The following BARD1 variants were observed in gnomAD, a reference collection of about 807,000 sequenced individuals.
BARD1 encodes BRCA1-associated RING domain protein 1.
BARD1 carries 73 observed loss-of-function variants against 77.0 expected under a neutral mutation model. The observed-to-expected ratio is 0.95, with a 90% CI of 0.79 to 1.15. The LOEUF (loss-of-function observed/expected upper bound fraction) is 1.15, where lower values mean the gene tolerates loss of function less well. Ranked by LOEUF, BARD1 falls within the 50% of genes most tolerant of loss-of-function variation. The pLI is 0.00. For synonymous variants in BARD1, 384 were observed against 338.0 expected (o/e 1.14, Z -1.49); for missense variants, 993 against 938.8 (o/e 1.06, Z -0.75).
intron 6 of BARD1, among the ~76,000 whole-genome samples, chr2:214,758,769 T>C (rs1693817815): frequency 6.6e-6 from 1 of 152,218 alleles, no homozygotes; most frequent in Non-Finnish European, 1.5e-5. Flanking sequence ...GGATGCAGTA[T>C]AACCTTTTAA....
Position 214,809,499 on chromosome 2 carries a change from G to C in BARD1, c.71C>G (p.Pro24Arg), listed in dbSNP as rs863224674. ...ACCGCGACCATCCGGTTCCATGGCG[G>C]GCGCGGAACGAGGCTCGTTCCCGGA... Reference protein sequence around the residue: ...IRSGNEPRSAPAMEPDGRGAW... With the variant: ...IRSGNEPRSARAMEPDGRGAW... The change falls in exon 1 of 11, where the codon CCC becomes CGC. Residue 24 changes from proline (P) to arginine (R), a missense_variant. Physicochemically the swap from Pro to Arg is moderately radical, Grantham distance 103. Coordinates refer to ENST00000260947, the MANE Select transcript of BARD1 (RefSeq NM_000465.4). The C allele has an allele frequency of 1.2e-6, 2 of 1,606,070 alleles. No homozygotes were observed. The highest frequency in any genetic ancestry group is 1.7e-6 in the Non-Finnish European group (2 of 1,177,586).
chr2:214,745,113 C>A lies in BARD1; in HGVS notation c.1857G>T (p.Lys619Asn). ...VPGDAVQSTL[K>N]CMLGILNGCW... ...ATCCATTGAGAATCCCAAGCATACA[C>A]TTCAAGGTACTTTGAACTGCATCAC... The change falls in exon 9 of 11, where the codon AAG becomes AAT. Residue 619 changes from lysine (K) to asparagine (N), a missense_variant. Transcript: ENST00000260947. The A allele has an allele frequency of 6.2e-7, 1 of 1,614,054 alleles. No individual in the cohort carries two copies. Among genetic ancestry groups the A allele is most frequent in the Non-Finnish European group, 8.5e-7 (1 of 1,179,982 alleles).
Position 214,728,502 on chromosome 2 carries a change from G to T in BARD1, c.*174C>A. ...TAAAAGCAATCCCAGCTTCTAAATG[G>T]TAAACATAACATGAATTCCTAATCT... On this transcript the variant is annotated 3_prime_UTR_variant, in exon 11 of 11. Coordinates refer to ENST00000260947, the MANE Select transcript of BARD1 (RefSeq NM_000465.4). The T allele has an allele frequency of 1.5e-6, 1 of 668,932 alleles. No homozygotes were observed. Among genetic ancestry groups the T allele is most frequent in the Non-Finnish European group, 2.5e-6 (1 of 407,182 alleles). The allele number at this position is 668,932 out of a possible 1,614,324, so 41.4% of individuals were successfully genotyped here.
intron 7 of BARD1, among the ~76,000 whole-genome samples, chr2:214,749,598 T>G (rs1693305575): frequency 6.6e-6 from 1 of 152,152 alleles, no homozygotes; most frequent in South Asian, 2.1e-4. Context: ...ATTTTCCAGC[T>G]TTTACATAAA....
chr2:214,809,679 C>G lies in BARD1; in HGVS notation c.-110G>C. On this transcript the variant is annotated 5_prime_UTR_variant, in exon 1 of 11. Coordinates refer to ENST00000260947, the MANE Select transcript of BARD1 (RefSeq NM_000465.4). ...CTCGAAACCGGCCAAGCTCTTCCCG[C>G]GTCTGGGACGGCGGGCCGCCAGAGG... The G allele has an allele frequency of 1.4e-6, 2 of 1,420,158 alleles. No homozygotes were observed. Among genetic ancestry groups the G allele is most frequent in the Non-Finnish European group, 9.5e-7 (1 of 1,053,256 alleles). The allele number at this position is 1,420,158 out of a possible 1,614,324, so 88.0% of individuals were successfully genotyped here. A position where few individuals can be genotyped will look rare whatever the true frequency, so the allele number is the denominator to read the frequency against.
At chr2:214,805,368 C>T (rs1696220901) in intron 1 of BARD1, among the ~76,000 whole-genome samples, 1 of 152,146 alleles carries the variant, frequency 6.6e-6, no homozygotes, top group African/African-American at 2.4e-5. Flanking sequence ...TACACAGTGT[C>T]TCAGTGATTT....
Position 214,726,605 on chromosome 2 carries a change from G to A in BARD1, c.*2071C>T, listed in dbSNP as rs1033722080. On this transcript the variant is annotated 3_prime_UTR_variant, in exon 11 of 11. Coordinates refer to ENST00000260947, the MANE Select transcript of BARD1 (RefSeq NM_000465.4). Reference sequence around the variant, plus strand: ...AGCCTCATTCAACAGCACAGAATAAGCCAATTTTATACAAGACACAGGTAT... The same window carrying A: ...AGCCTCATTCAACAGCACAGAATAAACCAATTTTATACAAGACACAGGTAT... 4.4e-6 allele frequency: 1 copy of A among 229,654 alleles called. No individual in the cohort carries two copies. The highest frequency in any genetic ancestry group is 8.6e-6 in the Non-Finnish European group (1 of 115,882). The allele number at this position is 229,654 out of a possible 1,614,324, so 14.2% of individuals were successfully genotyped here.
At chr2:214,741,414 G>T (rs1473185211) in intron 9 of BARD1, among the ~76,000 whole-genome samples, 1 of 152,072 alleles carries the variant, frequency 6.6e-6, no homozygotes, top group Non-Finnish European at 1.5e-5. Flanking sequence ...AAAAGAATAG[G>T]TCAGTAGAAA....
At chr2:214,729,039 CAG>C (rs1692233266) in intron 10 of BARD1, 31 bp from the exon 11 acceptor site, 1 of 1,601,396 alleles carries the variant, frequency 6.2e-7, no homozygotes, top group African/African-American at 1.3e-5. Context: ...TTGTTAAAGG[CAG>C]ATCAAAATAC....
At chr2:214,799,203 A>G (rs960128805) in intron 1 of BARD1, among the ~76,000 whole-genome samples, 1 of 152,238 alleles carries the variant, frequency 6.6e-6, no homozygotes, top group Non-Finnish European at 1.5e-5. Context: ...GGGGAGGCTG[A>G]GGCACAAGAA....
At chr2:214,735,626 T>C (rs1002504112) in intron 9 of BARD1, among the ~76,000 whole-genome samples, 8 of 152,166 alleles carry the variant, frequency 5.3e-5, no homozygotes, top group Non-Finnish European at 7.4e-5. Flanking sequence ...GAATGGGAAT[T>C]TGAACCTAAA....
In BARD1 at chr2:214,727,953, G is replaced by A. The variant is rs1431068324; in HGVS notation, c.*723C>T. On this transcript the variant is annotated 3_prime_UTR_variant, in exon 11 of 11. Transcript: ENST00000260947. The stretch of plus-strand genomic sequence containing the variant: ...TGCTCTAAGTATATATACACATGTA[G>A]TAGATAAACAGAGTTACAAATTGAT... 4.7e-6 allele frequency: 1 copy of A among 215,028 alleles called. No individual in the cohort carries two copies. The highest frequency in any genetic ancestry group is 1.4e-3 in the Middle Eastern group (1 of 698). The allele number at this position is 215,028 out of a possible 1,614,324, so 13.3% of individuals were successfully genotyped here.
intron 7 of BARD1, among the ~76,000 whole-genome samples, chr2:214,748,600 AAGG>A (rs969178104): frequency 6.6e-6 from 1 of 152,128 alleles, no homozygotes; most frequent in African/African-American, 2.4e-5. Flanking sequence ...AATGAATGAT[AAGG>A]AGTTTTTTAA....
At chr2:214,784,245 G>T (rs1184567280) in intron 3 of BARD1, among the ~76,000 whole-genome samples, 4 of 151,174 alleles carry the variant, frequency 2.6e-5, no homozygotes. Context: ...CTTCTCAAAA[G>T]AAGACATTTA....
At chr2:214,803,799 C>G (rs911451897) in intron 1 of BARD1, among the ~76,000 whole-genome samples, 1 of 152,172 alleles carries the variant, frequency 6.6e-6, no homozygotes, top group Non-Finnish European at 1.5e-5. Flanking sequence ...CCAAGTCTCT[C>G]GTTCCACCTT....
intron 6 of BARD1, among the ~76,000 whole-genome samples, chr2:214,765,749 T>C (rs1694166916): frequency 6.6e-6 from 1 of 151,938 alleles, no homozygotes. Flanking sequence ...CACGCACGTG[T>C]GTACACACAC....
chr2:214,803,881 G>A (rs1379556038), intron 1 of BARD1, among the ~76,000 whole-genome samples: 1 of 152,146 alleles, frequency 6.6e-6, no homozygotes, highest in Non-Finnish European at 1.5e-5. Flanking sequence ...ATAACTTAGG[G>A]AAGAATTAAG....
intron 4 of BARD1, 121 bp from the exon 5 acceptor site, chr2:214,769,433 T>C: frequency 1.2e-6 from 1 of 807,936 alleles, no homozygotes; most frequent in South Asian, 1.5e-5. Flanking sequence ...CTCTTAAGGC[T>C]ACTGTTCATG....
intron 1 of BARD1, among the ~76,000 whole-genome samples, chr2:214,799,129 A>G (rs749121221): frequency 1.4e-4 from 21 of 152,032 alleles, no homozygotes; most frequent in Non-Finnish European, 2.5e-4. Flanking sequence ...AAATAAATAA[A>G]TAAAATTTTA....
Sources: allele counts gnomAD v4.1 joint callset (sites outside exome capture counted in the v4.1 genomes callset), GRCh38; gene constraint gnomAD v4.1.1; transcripts MANE v1.5; gene names NCBI Gene and HGNC (gene_info 2026-07-23, HGNC 2026-07-21).